The following CEP68 variants were observed in gnomAD, a reference collection of about 807,000 sequenced individuals.
CEP68 encodes the protein centrosomal protein 68, also known as centrosomal protein of 68 kDa.
A neutral mutation model predicts 55.3 loss-of-function variants in CEP68; 26 were observed. The observed-to-expected ratio is 0.47, with a 90% CI of 0.34 to 0.65. The LOEUF is 0.65. CEP68 is among the 30% of genes least tolerant of loss of function. CEP68 has a pLI of 0.01. For synonymous variants in CEP68, 402 were observed against 383.2 expected (o/e 1.05, Z -0.57); for missense variants, 957 against 946.7 (o/e 1.01, Z -0.14).
At chr2:65,081,769 C>CCA (rs1357557497) in intron 5 of CEP68, among the ~76,000 whole-genome samples, 1 of 152,216 alleles carries the variant, frequency 6.6e-6, no homozygotes, top group Non-Finnish European at 1.5e-5. Flanking sequence ...ACAGTCTTGG[C>CCA]TCACCACAAC....
chr2:65,062,532 C>CAAAAA (rs10700779), intron 1 of CEP68, among the ~76,000 whole-genome samples: 16 of 66,214 alleles, frequency 2.4e-4, no homozygotes, highest in Admixed American at 5.6e-4. Context: ...GACTCCATCT[C>CAAAAA]AAAAAAAAAA....
At chr2:65,065,955 TAAAAA>T (rs59986437) in intron 1 of CEP68, among the ~76,000 whole-genome samples, 2 of 129,410 alleles carry the variant, frequency 1.5e-5, no homozygotes, top group African/African-American at 5.6e-5. Flanking sequence ...GACTTCATCT[TAAAAA>T]AAAAAAAAAA....
chr2:65,082,827 A>C (rs1668895434), intron 6 of CEP68, 118 bp downstream of exon 6: 3 of 839,058 alleles, frequency 3.6e-6, no homozygotes, highest in South Asian at 4.3e-5. Context: ...TACTGGAAGA[A>C]GACAGCCAAT....
chr2:65,081,853 C>A (rs749016651), intron 5 of CEP68, among the ~76,000 whole-genome samples: 1 of 152,220 alleles, frequency 6.6e-6, no homozygotes, highest in Non-Finnish European at 1.5e-5. Context: ...CGCCACCACA[C>A]CCGGCTAATT....
intron 4 of CEP68, among the ~76,000 whole-genome samples, chr2:65,075,575 G>A (rs762648641): frequency 1.1e-4 from 17 of 152,296 alleles, no homozygotes; most frequent in Admixed American, 2.6e-4. Flanking sequence ...TGTGCCTGTT[G>A]TTCTGGCATA....
intron 4 of CEP68, among the ~76,000 whole-genome samples, chr2:65,075,481 T>C (rs183524864): frequency 5.0e-4 from 76 of 152,350 alleles, no homozygotes; most frequent in Non-Finnish European, 7.9e-4. Context: ...TTGTTTCTTT[T>C]TCATTAAGAT....
chr2:65,084,526 A>AG lies in CEP68; in HGVS notation c.*892_*893insG, dbSNP rs1445148075. ...TTGACACATAAGTACTTTGATTAAAAAAAAAAAAAACTATGGATCAACCAT... is the reference window on the plus strand; with the variant it reads ...TTGACACATAAGTACTTTGATTAAAAGAAAAAAAAAACTATGGATCAACCAT... On this transcript the variant is annotated 3_prime_UTR_variant, in exon 7 of 7. Coordinates refer to ENST00000377990, the MANE Select transcript of CEP68 (RefSeq NM_015147.3). The AG allele has an allele frequency of 6.6e-6, 1 of 151,698 alleles. No individual in the cohort carries two copies. Among genetic ancestry groups the AG allele is most frequent in the East Asian group, 2.0e-4 (1 of 5,090 alleles). The allele number at this position is 151,698 out of a possible 1,614,324, so 9.4% of individuals were successfully genotyped here. A position where few individuals can be genotyped will look rare whatever the true frequency, so the allele number is the denominator to read the frequency against.
rs762787372 is a variant in CEP68 at position 65,072,548 on chromosome 2, C to T, written c.1452C>T (p.Ala484=). The change falls in exon 3 of 7, where the codon GCC becomes GCT. Residue 484 remains alanine, a synonymous_variant. Transcript: ENST00000377990. ...TGGAAAGTGATGACGAGTATCTTGC[C>T]CTCCCCGCTCGGCTGACACAGGTTT... ...EEVESDDEYL[A]LPARLTQVSS... is the part of the protein sequence containing the mutation. 1.2e-6 allele frequency: 2 copies of T among 1,614,032 alleles called. No individual in the cohort carries two copies. The highest frequency in any genetic ancestry group is 1.7e-6 in the Non-Finnish European group (2 of 1,180,004).
chr2:65,063,066 A>G (rs971934325), intron 1 of CEP68, among the ~76,000 whole-genome samples: 1 of 152,214 alleles, frequency 6.6e-6, no homozygotes, highest in Non-Finnish European at 1.5e-5. Context: ...GAAGGGTCAG[A>G]TGTCCAGGCT....
At chr2:65,063,947 T>C (rs913097942) in intron 1 of CEP68, among the ~76,000 whole-genome samples, 33 of 152,222 alleles carry the variant, frequency 2.2e-4, no homozygotes, top group African/African-American at 4.8e-5. Context: ...CTTTCACATG[T>C]GTCTGTCTTG....
chr2:65,082,955 C>G (rs1371248253), intron 6 of CEP68, among the ~76,000 whole-genome samples: 1 of 152,208 alleles, frequency 6.6e-6, no homozygotes, highest in African/African-American at 2.4e-5. Context: ...GCTGCCATTT[C>G]TATGGCACTT....
At chr2:65,068,476 C>T (rs1676302932) in intron 1 of CEP68, among the ~76,000 whole-genome samples, 1 of 152,196 alleles carries the variant, frequency 6.6e-6, no homozygotes, top group Non-Finnish European at 1.5e-5. Context: ...CACCAGCTTT[C>T]CACAGCTTCC....
chr2:65,065,113 A>T (rs1410825222), intron 1 of CEP68, among the ~76,000 whole-genome samples: 1 of 152,218 alleles, frequency 6.6e-6, no homozygotes, highest in African/African-American at 2.4e-5. Context: ...TGACGTGAGG[A>T]TTAAAGACCC....
chr2:65,072,986 G>A lies in CEP68; in HGVS notation c.1884+6G>A. 1.9e-6 allele frequency: 3 copies of A among 1,614,094 alleles called. No individual in the cohort carries two copies. Among genetic ancestry groups the A allele is most frequent in the Non-Finnish European group, 2.5e-6 (3 of 1,179,980 alleles). ...CACTGGTGCAATGTGTGAAGGTAATGACACTCAACGTTAGGAAGCTTTGTG... is the reference window on the plus strand; with the variant it reads ...CACTGGTGCAATGTGTGAAGGTAATAACACTCAACGTTAGGAAGCTTTGTG... On this transcript the variant is annotated splice_donor_region_variant and intron_variant, in intron 3 of 6. Coordinates refer to ENST00000377990, the MANE Select transcript of CEP68 (RefSeq NM_015147.3).
intron 5 of CEP68, chr2:65,080,257 G>A (rs1676947508): frequency 1.0e-6 from 1 of 985,136 alleles, no homozygotes; most frequent in Admixed American, 6.2e-5. Context: ...CTGGCTTTGG[G>A]GTTTTCTTTG....
In CEP68 at chr2:65,063,031, C is replaced by T. The variant is rs779814094; in HGVS notation, c.-46-6368C>T. 1.4e-4 allele frequency among the ~76,000 whole-genome samples: 22 copies of T among 152,156 alleles called. 1 individual carries two copies. The highest frequency in any genetic ancestry group is 3.1e-4 in the Non-Finnish European group (21 of 68,034). ...AGCCCGGCAGCTGTGACAGGAGTGTCCTAGGGTGATGCAGCATATACGAAG... is the reference window on the plus strand; with the variant it reads ...AGCCCGGCAGCTGTGACAGGAGTGTTCTAGGGTGATGCAGCATATACGAAG... On this transcript the variant is annotated intron_variant, in intron 1 of 6. Transcript: ENST00000377990.
chr2:65,077,986 A>G, intron 5 of CEP68, 22 bp downstream of exon 5: 1 of 1,581,746 alleles, frequency 6.3e-7, no homozygotes, highest in Non-Finnish European at 8.7e-7. Flanking sequence ...AAGGTTTTGG[A>G]TTTAGCCAGA....
Position 65,069,701 on chromosome 2 carries a change from C to T in CEP68, c.257C>T (p.Ala86Val). The part of the protein sequence containing the change: ...SRAHQPQASD[A>V]NREPVAERSE... ...GCCCACCAGCCACAGGCCAGTGATG[C>T]CAACAGAGAGCCCGTAGCTGAGAGG... The change falls in exon 2 of 7, where the codon GCC becomes GTC. Residue 86 changes from alanine (A) to valine (V), a missense_variant. Ala to Val is a moderately conservative substitution (Grantham distance 64, BLOSUM62 0). Transcript: ENST00000377990. 6.2e-7 allele frequency: 1 copy of T among 1,614,124 alleles called. No individual in the cohort carries two copies. Among genetic ancestry groups the T allele is most frequent in the Non-Finnish European group, 8.5e-7 (1 of 1,180,038 alleles).
intron 1 of CEP68, among the ~76,000 whole-genome samples, chr2:65,068,399 G>A (rs1340309502): frequency 6.6e-6 from 1 of 152,148 alleles, no homozygotes; most frequent in Non-Finnish European, 1.5e-5. Flanking sequence ...TCGCCTGCCT[G>A]CCTGCTGATT....
Sources: allele counts gnomAD v4.1 joint callset (sites outside exome capture counted in the v4.1 genomes callset), GRCh38; gene constraint gnomAD v4.1.1; transcripts MANE v1.5; gene names NCBI Gene and HGNC (gene_info 2026-07-23, HGNC 2026-07-21).